Variants in PHC3 observed in about 807,000 individuals in gnomAD.
PHC3 encodes the protein polyhomeotic homolog 3, also known as polyhomeotic-like protein 3.
PHC3 carries 13 observed loss-of-function variants against 107.4 expected under a neutral mutation model. That is an observed-to-expected ratio of 0.12 (90% CI 0.08 to 0.19). PHC3 has a LOEUF of 0.19. Ranked by LOEUF, PHC3 falls within the 10% of genes least tolerant of loss-of-function variation. The probability of loss-of-function intolerance (pLI) is 1.00; values close to 1 mark genes in which losing one functional copy is unlikely to be tolerated. For synonymous variants in PHC3, 456 were observed against 427.4 expected (o/e 1.07, Z -0.83); for missense variants, 992 against 1,210.9 (o/e 0.82, Z 2.68).
At chr3:170,136,864 G>T (rs995926324) in intron 6 of PHC3, among the ~76,000 whole-genome samples, 199 bp from the exon 7 acceptor site, 4 of 151,178 alleles carry the variant, frequency 2.6e-5, no homozygotes, top group African/African-American at 9.7e-5. Flanking sequence ...AATATTAAGT[G>T]GCAATTTTTT....
In PHC3 at chr3:170,159,146, G is replaced by A. The variant is rs574796220; in HGVS notation, c.415-9902C>T. Among the ~76,000 whole-genome samples, 3 of 150,926 alleles carry A rather than the reference G, an allele frequency of 2.0e-5. No individual in the cohort carries two copies. In the South Asian group the frequency reaches 6.3e-4, roughly 31 times the overall value. ...GGCGCCTGCAGTCCCAGCTATTCAG[G>A]AGGCTGAGGCAGGAGAACGGGCGTG... On this transcript the variant is annotated intron_variant, in intron 4 of 14. Coordinates refer to ENST00000495893, the MANE Select transcript of PHC3 (RefSeq NM_024947.4).
intron 2 of PHC3, among the ~76,000 whole-genome samples, chr3:170,174,966 CTATT>C (rs1730190160): frequency 6.6e-6 from 1 of 152,186 alleles, no homozygotes; most frequent in African/African-American, 2.4e-5. Flanking sequence ...AAATAACAAT[CTATT>C]TGACACATAC....
At position 170,097,304 on chromosome 3, in the gene PHC3, T is replaced by C. The variant is rs770555830; in HGVS notation, c.2914A>G (p.Met972Val). 1.5e-5 allele frequency: 24 copies of C among 1,611,962 alleles called. 1 individual carries two copies. In the South Asian group the frequency reaches 2.3e-4, roughly 15 times the overall value. Residue 972 changes from methionine to valine, a missense_variant, in exon 15 of 15, where the codon ATG becomes GTG. Around this residue, in one of 6 missense-constraint regions of PHC3, gnomAD observed 21 missense variants for 52.5 expected, o/e 0.40. Coordinates refer to ENST00000495893, the MANE Select transcript of PHC3 (RefSeq NM_024947.4). The surrounding 1 kb of genome is among the most constrained non-coding windows in gnomAD (Gnocchi z 4.1). ...ALLLLKEDHLMSAMNIKLGPA... is the reference protein window; with the variant it reads ...ALLLLKEDHLVSAMNIKLGPA... ...CCTAGCTTGATATTCATTGCACTCA[T>C]GAGATGGTCTTCTTTCAGCAAGAGA...
At chr3:170,119,846 C>G (rs1338130472) in intron 9 of PHC3, among the ~76,000 whole-genome samples, 2 of 146,122 alleles carry the variant, frequency 1.4e-5, no homozygotes, top group African/African-American at 5.2e-5. Flanking sequence ...AAAAAAAAAT[C>G]AACCTGTGCT....
intron 2 of PHC3, among the ~76,000 whole-genome samples, chr3:170,175,564 G>A (rs1279105552): frequency 2.7e-5 from 4 of 150,834 alleles, no homozygotes; most frequent in African/African-American, 4.9e-5. Context: ...TGAGCCCAGG[G>A]GGTCGTGAGT....
chr3:170,111,394 G>GAGGAAGGA (rs750463123), intron 11 of PHC3, among the ~76,000 whole-genome samples: 6 of 142,006 alleles, frequency 4.2e-5, no homozygotes, highest in African/African-American at 1.6e-4. Context: ...GAGAAAGAAA[G>GAGGAAGGA]AGGAAGGAAG....
intron 4 of PHC3, chr3:170,150,639 G>C: frequency 3.3e-6 from 1 of 299,996 alleles, no homozygotes; most frequent in South Asian, 2.6e-5. Flanking sequence ...CGTGAACCTG[G>C]GAGGTGGAGC....
chr3:170,104,498 C>A (rs1415701972), intron 12 of PHC3, among the ~76,000 whole-genome samples: 1 of 152,128 alleles, frequency 6.6e-6, no homozygotes, highest in East Asian at 1.9e-4. Context: ...GTCTCAAATT[C>A]CTGGGCTCAA....
chr3:170,157,791 C>A (rs943089141), intron 4 of PHC3, among the ~76,000 whole-genome samples: 4 of 151,980 alleles, frequency 2.6e-5, no homozygotes, highest in African/African-American at 7.2e-5. Flanking sequence ...TTTTAAGGTT[C>A]TTGATCTAAA....
Position 170,118,549 on chromosome 3 carries a change from CT to C in PHC3, c.1943-1074del, listed in dbSNP as rs1719503427. ...GCCTCAGCCTCCCGAGTAGCTGGGA[CT>C]ACAGGCACCCACCACCATGCCTGGA... On this transcript the variant is annotated intron_variant, in intron 9 of 14. Coordinates refer to ENST00000495893, the MANE Select transcript of PHC3 (RefSeq NM_024947.4). Among the ~76,000 whole-genome samples the C allele has an allele frequency of 2.0e-5, 3 of 152,212 alleles. No individual in the cohort carries two copies. In the South Asian group the frequency reaches 6.2e-4, roughly 32 times the overall value.
At chr3:170,127,142 A>T (rs1721446488) in intron 8 of PHC3, among the ~76,000 whole-genome samples, 1 of 152,144 alleles carries the variant, frequency 6.6e-6, no homozygotes, top group Non-Finnish European at 1.5e-5. Context: ...TTGAAAGAAA[A>T]TATAGACATG....
chr3:170,131,126 A>G (rs1408902555), intron 7 of PHC3, among the ~76,000 whole-genome samples: 1 of 144,690 alleles, frequency 6.9e-6, no homozygotes, highest in Non-Finnish European at 1.5e-5. Flanking sequence ...GGAAAGTTCA[A>G]TAAATATCCA....
chr3:170,104,077 T>C (rs1000942323), intron 12 of PHC3, among the ~76,000 whole-genome samples: 2 of 151,698 alleles, frequency 1.3e-5, no homozygotes, highest in Non-Finnish European at 2.9e-5. Flanking sequence ...CTCAAAACAA[T>C]AAAAATAAAA....
chr3:170,106,203 C>G (rs1404640471), intron 12 of PHC3, among the ~76,000 whole-genome samples: 1 of 152,094 alleles, frequency 6.6e-6, no homozygotes, highest in African/African-American at 2.4e-5. Flanking sequence ...TAGAGTAAGA[C>G]TCTATATCCA....
In PHC3 at chr3:170,093,409, C is replaced by T. The variant is rs1230325245; in HGVS notation, c.*3821G>A. 1 of 152,176 alleles carries T rather than the reference C, an allele frequency of 6.6e-6. No homozygotes were observed. Among genetic ancestry groups the T allele is most frequent in the African/African-American group, 2.4e-5 (1 of 41,440 alleles). 9.4% of individuals were successfully genotyped at this position (152,176 alleles called of 1,614,324 possible). ...TCCTGCAATCCACCAAGGTGAAAAC[C>T]ACAAACTATAACCAGGCTGTTCTGG... On this transcript the variant is annotated 3_prime_UTR_variant, in exon 15 of 15. Coordinates refer to ENST00000495893, the MANE Select transcript of PHC3 (RefSeq NM_024947.4).
intron 4 of PHC3, among the ~76,000 whole-genome samples, chr3:170,159,508 A>G (rs1727508010): frequency 1.3e-5 from 2 of 152,204 alleles, no homozygotes; most frequent in Non-Finnish European, 2.9e-5. Context: ...GGATCAATCC[A>G]GAAAGGTCAA....
chr3:170,145,282 A>G (rs1281081707), intron 6 of PHC3, 141 bp downstream of exon 6: 1 of 564,374 alleles, frequency 1.8e-6, no homozygotes, highest in African/African-American at 1.9e-5. Context: ...TGAAGTTCTC[A>G]TTGTATTTTA....
At chr3:170,159,169 G>A (rs929895912) in intron 4 of PHC3, among the ~76,000 whole-genome samples, 5 of 149,078 alleles carry the variant, frequency 3.4e-5, no homozygotes, top group Non-Finnish European at 5.9e-5. Context: ...GAGAACGGGC[G>A]TGAACCTGGG....
intron 11 of PHC3, among the ~76,000 whole-genome samples, chr3:170,112,526 T>C (rs1422944323): frequency 7.1e-6 from 1 of 141,012 alleles, no homozygotes; most frequent in Non-Finnish European, 1.5e-5. Flanking sequence ...CCTGGCCTAT[T>C]TTTTTTTTTT....
Sources: gnomAD v4.1 joint callset for allele counts (sites outside exome capture counted in the v4.1 genomes callset) on GRCh38, gnomAD v4.1.1 for gene constraint, gnomAD v4.1.1 regional missense constraint, Gnocchi (gnomAD v3.1) non-coding constraint, MANE v1.5 for transcripts, NCBI Gene and HGNC (gene_info 2026-07-23, HGNC 2026-07-21) for gene names.